The following HCRTR2 variants were observed in gnomAD, a reference collection of about 807,000 sequenced individuals.
HCRTR2 encodes the protein hypocretin receptor 2.
Under a neutral mutation model 49.0 loss-of-function variants are expected in HCRTR2, and 22 were observed. That is an observed-to-expected ratio of 0.45 (90% CI 0.32 to 0.64). HCRTR2 has a LOEUF of 0.64. Among genes scored for constraint, HCRTR2 ranks in the 30% least tolerant of loss-of-function variants. HCRTR2 has a pLI of 0.04. For synonymous variants in HCRTR2, 236 were observed against 205.3 expected (o/e 1.15, Z -1.28); for missense variants, 491 against 559.4 (o/e 0.88, Z 1.23).
chr6:55,246,169 C>T (rs1056470890), intron 1 of HCRTR2, among the ~76,000 whole-genome samples: 3 of 152,032 alleles, frequency 2.0e-5, no homozygotes, highest in African/African-American at 7.2e-5. Context: ...GACAGCCCTG[C>T]TGACACCTTG....
chr6:55,114,170 G>A (rs1001975708), intron 1 of HCRTR2, among the ~76,000 whole-genome samples: 4 of 151,752 alleles, frequency 2.6e-5, no homozygotes, highest in Admixed American at 6.6e-5. Flanking sequence ...ATTGGGTACA[G>A]TGCACACTGC....
intron 1 of HCRTR2, among the ~76,000 whole-genome samples, chr6:55,180,748 A>G (rs1765118177): frequency 1.3e-5 from 2 of 152,130 alleles, no homozygotes; most frequent in African/African-American, 4.8e-5. Context: ...AATAAATAGT[A>G]TTTATTTAAA....
intron 1 of HCRTR2, among the ~76,000 whole-genome samples, chr6:55,149,740 C>G (rs1328881367): frequency 6.6e-6 from 1 of 151,964 alleles, no homozygotes; most frequent in Non-Finnish European, 1.5e-5. Context: ...GGGGTATTCA[C>G]TCATATTTAA....
At chr6:55,255,083 A>G in intron 2 of HCRTR2, 53 bp from the exon 3 acceptor site, 1 of 1,597,410 alleles carries the variant, frequency 6.3e-7, no homozygotes, top group Non-Finnish European at 8.6e-7. Context: ...TATTAAGAGT[A>G]ATTCTTTTAA....
intron 1 of HCRTR2, among the ~76,000 whole-genome samples, chr6:55,239,600 T>C (rs1218547308): frequency 6.6e-6 from 1 of 152,156 alleles, no homozygotes; most frequent in Admixed American, 6.5e-5. Flanking sequence ...TTATCAACAC[T>C]ACAGAGGCAC....
chr6:55,129,766 C>G (rs905647844), intron 1 of HCRTR2, among the ~76,000 whole-genome samples: 1 of 152,022 alleles, frequency 6.6e-6, no homozygotes, highest in African/African-American at 2.4e-5. Context: ...TACTTTGTCC[C>G]TATAAAATAC....
chr6:55,132,865 A>G (rs146098056), intron 1 of HCRTR2, among the ~76,000 whole-genome samples: 30 of 151,728 alleles, frequency 2.0e-4, no homozygotes, highest in African/African-American at 6.8e-4. Flanking sequence ...TTCTTTGGGG[A>G]AAATAATCAA....
intron 1 of HCRTR2, among the ~76,000 whole-genome samples, chr6:55,245,135 C>A (rs1766407065): frequency 6.6e-6 from 1 of 151,530 alleles, no homozygotes; most frequent in Non-Finnish European, 1.5e-5. Flanking sequence ...GCTTAAGATT[C>A]ATTTGACTAT....
intron 1 of HCRTR2, among the ~76,000 whole-genome samples, chr6:55,217,004 A>C (rs1363209043): frequency 6.6e-6 from 1 of 152,130 alleles, no homozygotes; most frequent in Non-Finnish European, 1.5e-5. Flanking sequence ...GCCAAGGCTT[A>C]TGGCTTTTGC....
intron 1 of HCRTR2, among the ~76,000 whole-genome samples, chr6:55,220,873 G>A (rs941044971): frequency 9.9e-5 from 15 of 152,040 alleles, no homozygotes; most frequent in African/African-American, 2.2e-4. Flanking sequence ...ACATAAAATC[G>A]AAATGCAAAA....
At chr6:55,263,502 T>G (rs753125971) in intron 3 of HCRTR2, among the ~76,000 whole-genome samples, 1 of 152,268 alleles carries the variant, frequency 6.6e-6, no homozygotes, top group African/African-American at 2.4e-5. Context: ...AAATTACGAC[T>G]TCACATTTGG....
At chr6:55,272,790 A>T (rs1286525970) in intron 4 of HCRTR2, among the ~76,000 whole-genome samples, 1 of 151,560 alleles carries the variant, frequency 6.6e-6, no homozygotes, top group Non-Finnish European at 1.5e-5. Flanking sequence ...TGTGCAAAAA[A>T]TGAGAGAACC....
At chr6:55,140,154 TCTGA>T (rs55965738) in intron 1 of HCRTR2, among the ~76,000 whole-genome samples, 41,089 of 151,036 alleles carry the variant, frequency 0.27, 6,448 homozygotes, top group Non-Finnish European at 0.36. Context: ...TAGAATTTAA[TCTGA>T]CCCTTTTTTT....
intron 1 of HCRTR2, among the ~76,000 whole-genome samples, chr6:55,196,456 A>G (rs906595247): frequency 2.6e-5 from 4 of 152,192 alleles, no homozygotes; most frequent in African/African-American, 9.7e-5. Flanking sequence ...GAGGTGCCTA[A>G]GATCTTTCCC....
intron 1 of HCRTR2, among the ~76,000 whole-genome samples, chr6:55,159,245 G>A (rs1471164292): frequency 6.7e-6 from 1 of 149,120 alleles, no homozygotes; most frequent in Non-Finnish European, 1.5e-5. Flanking sequence ...TTAACAAACA[G>A]AAAGGAATAG....
chr6:55,200,235 TTGTG>T (rs34710192), intron 1 of HCRTR2, among the ~76,000 whole-genome samples: 10,579 of 135,132 alleles, frequency 0.078, 621 homozygotes, highest in East Asian at 0.35. Context: ...GTTTGCTGTC[TTGTG>T]TGTGTGTGTG....
chr6:55,189,287 A>G (rs938022265), intron 1 of HCRTR2, among the ~76,000 whole-genome samples: 2 of 152,222 alleles, frequency 1.3e-5, no homozygotes, highest in African/African-American at 4.8e-5. Flanking sequence ...GATTAAAGTT[A>G]TGAGATACCA....
chr6:55,117,795 A>G (rs1764139039), intron 1 of HCRTR2, among the ~76,000 whole-genome samples: 1 of 150,454 alleles, frequency 6.6e-6, no homozygotes, highest in Non-Finnish European at 1.5e-5. Flanking sequence ...AAAAAAAAAA[A>G]AAAAAAAAAG....
rs370713192 is a variant in HCRTR2 at position 55,232,248 on chromosome 6, CAATT to C, written c.224-16383_224-16380del. Reference sequence around the variant, plus strand: ...GGGGTGTGAATATTAGTCAAACGGGCAATTAATTAATACAATCTTTATATATTCA... The same window carrying C: ...GGGGTGTGAATATTAGTCAAACGGGCAATTAATACAATCTTTATATATTCA... On this transcript the variant is annotated intron_variant, in intron 1 of 6. Transcript: ENST00000370862. Among the ~76,000 whole-genome samples the C allele has an allele frequency of 1.6e-4, 25 of 151,996 alleles. 1 individual carries two copies.
Sources: allele counts gnomAD v4.1 joint callset (sites outside exome capture counted in the v4.1 genomes callset), GRCh38; gene constraint gnomAD v4.1.1; transcripts MANE v1.5; gene names NCBI Gene and HGNC (gene_info 2026-07-23, HGNC 2026-07-21).